The following ATP8B1 variants were observed in gnomAD, a reference collection of about 807,000 sequenced individuals.
ATP8B1 encodes ATPase phospholipid transporting 8B1.
In ATP8B1, 80 loss-of-function variants were observed where a neutral mutation model predicts 149.9. The observed-to-expected ratio is 0.53, with a 90% CI of 0.45 to 0.64. The LOEUF is 0.64. Ranked by LOEUF, ATP8B1 falls within the 30% of genes least tolerant of loss-of-function variation. ATP8B1 has a pLI of 0.00. For missense variants in ATP8B1, 1,247 were observed against 1,552.6 expected (o/e 0.80, Z 3.31); for synonymous variants, 536 against 562.8 (o/e 0.95, Z 0.67).
intron 1 of ATP8B1, among the ~76,000 whole-genome samples, chr18:57,770,824 C>T (rs549868150): frequency 5.1e-4 from 78 of 152,322 alleles, no homozygotes; most frequent in African/African-American, 1.4e-3. Context: ...CAGTCAGATA[C>T]GAGTTAAAGT....
intron 2 of ATP8B1, among the ~76,000 whole-genome samples, chr18:57,709,546 C>G (rs1050926462): frequency 1.3e-5 from 2 of 152,124 alleles, no homozygotes; most frequent in African/African-American, 4.8e-5. Flanking sequence ...AGGAATTGAC[C>G]TTTTTGAGCA....
chr18:57,722,075 A>G lies in ATP8B1; in HGVS notation c.181+9552T>C, dbSNP rs2079652473. ...GAGAACAAAGACACAACATACCAGA[A>G]TCTCTGGGACGCATTCAAAGCAGTG... On this transcript the variant is annotated intron_variant, in intron 2 of 27. Transcript: ENST00000648908. 2.1e-5 allele frequency among the ~76,000 whole-genome samples: 3 copies of G among 142,204 alleles called. No homozygotes were observed. The South Asian group carries it at 7.6e-4, about 36-fold the overall frequency. The allele number at this position is 142,204 out of a possible 152,430, so 93.3% of individuals were successfully genotyped here. A position where few individuals can be genotyped will look rare whatever the true frequency, so the allele number is the denominator to read the frequency against.
chr18:57,706,061 C>A (rs1321707779), intron 3 of ATP8B1, among the ~76,000 whole-genome samples: 7 of 152,122 alleles, frequency 4.6e-5, no homozygotes, highest in Admixed American at 1.3e-4. Flanking sequence ...TTTAAGCATT[C>A]TTTATCACAT....
chr18:57,674,412 T>C (rs1339665560), intron 16 of ATP8B1, among the ~76,000 whole-genome samples: 2 of 104,320 alleles, frequency 1.9e-5, no homozygotes, highest in African/African-American at 7.1e-5. Context: ...TGAGACGGAG[T>C]CTTGCTTTAT....
intron 2 of ATP8B1, among the ~76,000 whole-genome samples, chr18:57,711,267 G>C (rs1229842626): frequency 2.6e-5 from 4 of 152,088 alleles, no homozygotes; most frequent in African/African-American, 9.7e-5. Context: ...TGCCTACTGG[G>C]AACAGCCAGT....
chr18:57,652,328 T>C lies in ATP8B1; in HGVS notation c.3261+156A>G, dbSNP rs11875799. ...AACCATCCTTGACTCAGGCAAGAAATAGAAAATGTGCTTGGTATAAGAGAT... is the reference window on the plus strand; with the variant it reads ...AACCATCCTTGACTCAGGCAAGAAACAGAAAATGTGCTTGGTATAAGAGAT... On this transcript the variant is annotated intron_variant, in intron 25 of 27. Transcript: ENST00000648908. 0.073 allele frequency among the ~76,000 whole-genome samples: 11,070 copies of C among 152,160 alleles called. 532 individuals carry two copies. Among genetic ancestry groups the C allele is most frequent in the Middle Eastern group, 0.13 (39 of 294 alleles).
intron 1 of ATP8B1, among the ~76,000 whole-genome samples, chr18:57,754,456 A>G (rs2123283539): frequency 1.3e-5 from 2 of 151,736 alleles, no homozygotes; most frequent in South Asian, 4.2e-4. Flanking sequence ...ATATATATAT[A>G]TATATATTAT....
At chr18:57,712,333 T>C (rs1286556600) in intron 2 of ATP8B1, among the ~76,000 whole-genome samples, 1 of 151,862 alleles carries the variant, frequency 6.6e-6, no homozygotes, top group African/African-American at 2.4e-5. Context: ...ATCTGTACGC[T>C]TGGGAGAGGG....
At chr18:57,744,160 C>T (rs2079943193) in intron 1 of ATP8B1, among the ~76,000 whole-genome samples, 1 of 151,974 alleles carries the variant, frequency 6.6e-6, no homozygotes, top group South Asian at 2.1e-4. Flanking sequence ...ACTAAAAATA[C>T]AAAAATTAGC....
At chr18:57,651,967 G>A (rs1263615806) in intron 26 of ATP8B1, 67 bp downstream of exon 26, 8 of 1,549,232 alleles carry the variant, frequency 5.2e-6, no homozygotes, top group Non-Finnish European at 7.1e-6. Context: ...CTTAACAGAA[G>A]TTATGTCAAA....
At chr18:57,778,477 G>A (rs1465145765) in intron 1 of ATP8B1, among the ~76,000 whole-genome samples, 2 of 151,776 alleles carry the variant, frequency 1.3e-5, no homozygotes, top group African/African-American at 2.4e-5. Context: ...TGATCCGCCC[G>A]CCTCGCCCTC....
At chr18:57,706,613 G>C (rs372366458) in intron 2 of ATP8B1, 26 bp from the exon 3 acceptor site, 1 of 1,560,392 alleles carries the variant, frequency 6.4e-7, no homozygotes, top group Non-Finnish European at 8.8e-7. Flanking sequence ...AGAAAAGTTC[G>C]TAAGTAGCAA....
chr18:57,661,713 ATTTTTT>A (rs759201755), intron 21 of ATP8B1, among the ~76,000 whole-genome samples: 1,659 of 92,618 alleles, frequency 0.018, 22 homozygotes, highest in Middle Eastern at 0.021. Flanking sequence ...ATATATATAT[ATTTTTT>A]TTTTTTTTTT....
chr18:57,764,554 G>A (rs2080191766), intron 1 of ATP8B1, among the ~76,000 whole-genome samples: 2 of 151,680 alleles, frequency 1.3e-5, no homozygotes. Flanking sequence ...CAGTAGCTGT[G>A]ATTACAAGCT....
chr18:57,752,161 T>A (rs1050743716), intron 1 of ATP8B1, among the ~76,000 whole-genome samples: 22 of 151,348 alleles, frequency 1.5e-4, no homozygotes, highest in African/African-American at 5.3e-4. Context: ...GAGCCATGAC[T>A]GCACCACGGC....
At chr18:57,696,417 C>T (rs1431631394) in intron 8 of ATP8B1, among the ~76,000 whole-genome samples, 1 of 152,078 alleles carries the variant, frequency 6.6e-6, no homozygotes, top group Non-Finnish European at 1.5e-5. Context: ...GGTATAGCCT[C>T]GGGGCCTTAA....
intron 16 of ATP8B1, 51 bp downstream of exon 16, chr18:57,674,783 C>T (rs746115594): frequency 6.3e-7 from 1 of 1,595,220 alleles, no homozygotes; most frequent in South Asian, 1.1e-5. Context: ...ACAATGGGCA[C>T]AAGCAACATC....
chr18:57,744,522 C>T (rs76882480), intron 1 of ATP8B1, among the ~76,000 whole-genome samples: 3,964 of 152,174 alleles, frequency 0.026, 153 homozygotes, highest in African/African-American at 0.09. Flanking sequence ...CCTCAATCCA[C>T]AATGTACTTT....
intron 24 of ATP8B1, 138 bp from the exon 25 acceptor site, chr18:57,652,867 C>A (rs1271398541): frequency 2.9e-6 from 3 of 1,032,994 alleles, no homozygotes; most frequent in Non-Finnish European, 2.9e-6. Flanking sequence ...GATAATCGAT[C>A]AATCCTGCAA....
Sources: allele counts gnomAD v4.1 joint callset (sites outside exome capture counted in the v4.1 genomes callset), GRCh38; gene constraint gnomAD v4.1.1; transcripts MANE v1.5; gene names NCBI Gene and HGNC (gene_info 2026-07-23, HGNC 2026-07-21).